The following MRPL1 variants were observed in gnomAD, a reference collection of about 807,000 sequenced individuals.
MRPL1 encodes the protein large ribosomal subunit protein uL1m.
MRPL1 carries 28 observed loss-of-function variants against 38.0 expected under a neutral mutation model. The ratio of observed to expected loss-of-function variants is 0.74; its 90% CI spans 0.55 to 1.01. The LOEUF (loss-of-function observed/expected upper bound fraction) is 1.01. MRPL1 is among the 50% of genes least tolerant of loss of function. MRPL1 has a pLI of 0.00. For synonymous variants in MRPL1, 123 were observed against 126.7 expected (o/e 0.97, Z 0.20); for missense variants, 358 against 389.8 (o/e 0.92, Z 0.69).
chr4:77,914,275 A>G (rs1736365209), intron 7 of MRPL1, among the ~76,000 whole-genome samples: 1 of 152,140 alleles, frequency 6.6e-6, no homozygotes, highest in Admixed American at 6.6e-5. Context: ...AAAAGTATAA[A>G]GACAAAAAGT....
At chr4:77,882,695 A>G (rs1001261173) in intron 2 of MRPL1, among the ~76,000 whole-genome samples, 1 of 152,218 alleles carries the variant, frequency 6.6e-6, no homozygotes, top group Non-Finnish European at 1.5e-5. Context: ...ATATTCCATT[A>G]TATGGACATA....
chr4:77,935,266 T>C (rs564604513), intron 7 of MRPL1, among the ~76,000 whole-genome samples: 1 of 152,272 alleles, frequency 6.6e-6, no homozygotes, highest in Admixed American at 6.5e-5. Flanking sequence ...AATTTTACTA[T>C]CTTTCGATTT....
At chr4:77,908,144 T>C (rs1383148764) in intron 6 of MRPL1, among the ~76,000 whole-genome samples, 2 of 152,072 alleles carry the variant, frequency 1.3e-5, no homozygotes, top group African/African-American at 4.8e-5. Flanking sequence ...TGATATTGTT[T>C]CCACTGCTAA....
intron 7 of MRPL1, among the ~76,000 whole-genome samples, chr4:77,927,454 ACT>A (rs1736739399): frequency 2.0e-5 from 3 of 152,064 alleles, no homozygotes; most frequent in African/African-American, 7.2e-5. Flanking sequence ...GTAGAGCCCT[ACT>A]CTGTTTTTTT....
chr4:77,909,150 G>T (rs565295362), intron 6 of MRPL1, 116 bp from the exon 7 acceptor site: 2 of 729,372 alleles, frequency 2.7e-6, no homozygotes, highest in African/African-American at 1.8e-5. Context: ...TGGAACTAAA[G>T]TTTATCTGCC....
intron 1 of MRPL1, among the ~76,000 whole-genome samples, chr4:77,870,585 G>C (rs1226118570): frequency 2.0e-5 from 3 of 152,190 alleles, no homozygotes; most frequent in Admixed American, 2.0e-4. Flanking sequence ...GAAAAAGCAA[G>C]ATGGAGTAGT....
intron 7 of MRPL1, among the ~76,000 whole-genome samples, chr4:77,917,993 T>TG (rs1441698931): frequency 6.7e-6 from 1 of 149,702 alleles, no homozygotes; most frequent in Non-Finnish European, 1.5e-5. Context: ...AGGCGGAGGT[T>TG]GCAGTGAGCC....
At chr4:77,872,062 C>G (rs1560458875) in intron 2 of MRPL1, among the ~76,000 whole-genome samples, 1 of 152,056 alleles carries the variant, frequency 6.6e-6, no homozygotes, top group African/African-American at 2.4e-5. Context: ...CTAACTTATT[C>G]CCAACAGCAA....
Position 77,883,501 on chromosome 4 carries a change from G to T in MRPL1, c.402+1G>T. 1.3e-6 allele frequency: 2 copies of T among 1,595,774 alleles called. No homozygotes were observed. The highest frequency in any genetic ancestry group is 1.7e-6 in the Non-Finnish European group (2 of 1,172,440). On this transcript the variant is annotated splice_donor_variant, in intron 3 of 8. Transcript: ENST00000315567. LOFTEE classifies it high-confidence loss of function. ...ACTGGATATGGCACTGGGAAAGAAG[G>T]TATGTAGAGTCCATTAAAATAAGTT...
intron 2 of MRPL1, among the ~76,000 whole-genome samples, chr4:77,880,118 C>A (rs1293145125): frequency 2.6e-5 from 4 of 152,166 alleles, no homozygotes; most frequent in Non-Finnish European, 4.4e-5. Flanking sequence ...TTACCACAAA[C>A]TTTGAGGCTT....
chr4:77,907,364 T>C (rs1736179458), intron 6 of MRPL1, among the ~76,000 whole-genome samples: 1 of 152,196 alleles, frequency 6.6e-6, no homozygotes, highest in Non-Finnish European at 1.5e-5. Flanking sequence ...TCCATTTTTC[T>C]CCTTACTATA....
At chr4:77,951,110 T>TC (rs1737399013) in intron 8 of MRPL1, among the ~76,000 whole-genome samples, 1 of 152,224 alleles carries the variant, frequency 6.6e-6, no homozygotes, top group African/African-American at 2.4e-5. Flanking sequence ...CCTCAGGTGA[T>TC]CCACCTACCT....
chr4:77,897,927 T>A (rs893389729), intron 6 of MRPL1, among the ~76,000 whole-genome samples: 1 of 152,232 alleles, frequency 6.6e-6, no homozygotes, highest in Non-Finnish European at 1.5e-5. Flanking sequence ...GATTAGGTAC[T>A]GTTACAATTG....
At chr4:77,915,714 T>C (rs1259936334) in intron 7 of MRPL1, among the ~76,000 whole-genome samples, 1 of 152,200 alleles carries the variant, frequency 6.6e-6, no homozygotes, top group Non-Finnish European at 1.5e-5. Flanking sequence ...GCCCCGGCCT[T>C]AGTTTTGTTC....
chr4:77,917,546 G>A (rs1266900946), intron 7 of MRPL1, among the ~76,000 whole-genome samples: 3 of 151,684 alleles, frequency 2.0e-5, no homozygotes, highest in Non-Finnish European at 4.4e-5. Context: ...ATTATCGTTA[G>A]CTCATTTAGA....
At chr4:77,912,188 C>G (rs1209833362) in intron 7 of MRPL1, among the ~76,000 whole-genome samples, 1 of 152,114 alleles carries the variant, frequency 6.6e-6, no homozygotes, top group Non-Finnish European at 1.5e-5. Context: ...AGGAACAAGA[C>G]AAGGACATCC....
At chr4:77,871,908 T>C in intron 2 of MRPL1, 53 bp downstream of exon 2, 1 of 1,212,758 alleles carries the variant, frequency 8.2e-7, no homozygotes, top group Non-Finnish European at 1.2e-6. Context: ...TAATTTTTTT[T>C]AAAAAGCATG....
rs1480928272 is a variant in MRPL1 at position 77,952,539 on chromosome 4, T to C, written c.910T>C (p.Leu304=). Residue 304 remains leucine, a synonymous_variant, in exon 9 of 9, where the codon TTA becomes CTA. Transcript: ENST00000315567. Reference sequence around the variant, plus strand: ...TCGTAGTTCAACAAGTGAAGGTTTATTACTGAAGATTGATCCATTGTTGCC... The same window carrying C: ...TCGTAGTTCAACAAGTGAAGGTTTACTACTGAAGATTGATCCATTGTTGCC... ...FLRSSTSEGL[L]LKIDPLLPKE... is the part of the protein sequence containing the mutation. 6.2e-7 allele frequency: 1 copy of C among 1,613,632 alleles called. No homozygotes were observed. Among genetic ancestry groups the C allele is most frequent in the Admixed American group, 1.7e-5 (1 of 59,936 alleles).
In MRPL1 at chr4:77,862,872, G is replaced by A. The variant is rs1403121527; in HGVS notation, c.24G>A (p.Met8Ile). ...ACATGGCGGCGGCCGTAAGGTGCAT[G>A]GGTAGAGGTAAGGCGAGGGGTTGTC... The part of the protein sequence containing the change: MAAAVRC[M>I]GRALIHHQRH... The change falls in exon 1 of 9, where the codon ATG becomes ATA. Residue 8 changes from methionine to isoleucine, a missense_variant. Transcript: ENST00000315567. The A allele has an allele frequency of 6.8e-6, 11 of 1,614,036 alleles. No homozygotes were observed. The highest frequency in any genetic ancestry group is 2.2e-5 in the South Asian group (2 of 91,078).
Sources: gnomAD v4.1 joint callset for allele counts (sites outside exome capture counted in the v4.1 genomes callset) on GRCh38, gnomAD v4.1.1 for gene constraint, MANE v1.5 for transcripts, NCBI Gene and HGNC (gene_info 2026-07-23, HGNC 2026-07-21) for gene names.